The following OTOG variants were observed in gnomAD, a reference collection of about 807,000 sequenced individuals.
OTOG encodes otogelin.
In OTOG, 296 loss-of-function variants were observed where a neutral mutation model predicts 313.8. The observed-to-expected ratio is 0.94, with a 90% CI of 0.86 to 1.04. OTOG has a LOEUF of 1.04. Among genes scored for constraint, OTOG ranks in the 50% least tolerant of loss-of-function variants. The pLI is 0.00. For missense variants in OTOG, 3,948 were observed against 3,840.1 expected (o/e 1.03, Z -0.74); for synonymous variants, 1,533 against 1,554.9 (o/e 0.99, Z 0.33).
chr11:17,625,215 G>A (rs370860003), intron 39 of OTOG, among the ~76,000 whole-genome samples: 6 of 152,158 alleles, frequency 3.9e-5, no homozygotes, highest in African/African-American at 1.2e-4. Context: ...TGGTGAGAGC[G>A]GGCATCCTTG....
Position 17,606,642 on chromosome 11 carries a change from G to A in OTOG, c.4156+507G>A, listed in dbSNP as rs547918872. Among the ~76,000 whole-genome samples, 4 of 152,356 alleles carry A rather than the reference G, an allele frequency of 2.6e-5. No homozygotes were observed. In the East Asian group the frequency reaches 5.8e-4, roughly 22 times the overall value. The stretch of plus-strand genomic sequence containing the variant: ...GCCAAGGGGATCCAGGGCCTGCCCT[G>A]CCAGGTGTGTCTGTCCCCAAAATAT... On this transcript the variant is annotated intron_variant, in intron 33 of 55. Transcript: ENST00000399397.
At chr11:17,626,963 A>G (rs1199687213) in intron 39 of OTOG, among the ~76,000 whole-genome samples, 7 of 152,070 alleles carry the variant, frequency 4.6e-5, no homozygotes, top group Non-Finnish European at 2.9e-5. Context: ...TTCTATGTTG[A>G]TTTTGTAATC....
intron 24 of OTOG, among the ~76,000 whole-genome samples, chr11:17,591,036 CCT>C (rs1852919389): frequency 6.6e-6 from 1 of 152,176 alleles, no homozygotes; most frequent in Middle Eastern, 3.2e-3. Flanking sequence ...ATCTCTTCTC[CCT>C]CTAGAATAAA....
At position 17,593,257 on chromosome 11, in the gene OTOG, T is replaced by C; in HGVS notation, c.3071T>C (p.Ile1024Thr). The C allele has an allele frequency of 6.5e-7, 1 of 1,550,290 alleles. No individual in the cohort carries two copies. Among genetic ancestry groups the C allele is most frequent in the Non-Finnish European group, 8.7e-7 (1 of 1,146,696 alleles). The change falls in exon 26 of 56, where the codon ATC (isoleucine) becomes ACC (threonine). Residue 1024 changes from isoleucine to threonine, a missense_variant. Ile to Thr is a moderately conservative substitution (Grantham distance 89, BLOSUM62 -1). Coordinates refer to ENST00000399397, the MANE Select transcript of OTOG (RefSeq NM_001292063.2). Reference protein sequence around the residue: ...ENVNCYSSGMICRKFISINVG... With the variant: ...ENVNCYSSGMTCRKFISINVG... ...GTGAACTGCTACAGCTCTGGCATGA[T>C]CTGCAGGAAATTTATTTCCATCAAC...
intron 14 of OTOG, among the ~76,000 whole-genome samples, 185 bp from the exon 15 acceptor site, chr11:17,561,477 A>T (rs1852181370): frequency 6.6e-6 from 1 of 151,928 alleles, no homozygotes; most frequent in South Asian, 2.1e-4. Context: ...ACCTCTCTTC[A>T]AGGAGTTCTC....
intron 23 of OTOG, among the ~76,000 whole-genome samples, chr11:17,584,101 T>C (rs1852737314): frequency 6.6e-6 from 1 of 152,226 alleles, no homozygotes; most frequent in African/African-American, 2.4e-5. Flanking sequence ...AATTTTCCAT[T>C]TTTTAATTGC....
intron 54 of OTOG, among the ~76,000 whole-genome samples, chr11:17,644,553 C>T (rs75849837): frequency 0.017 from 2,513 of 152,230 alleles, 33 homozygotes; most frequent in Non-Finnish European, 0.025. Flanking sequence ...GTGGGAGAGA[C>T]AGAATAACAA....
chr11:17,552,287 C>T (rs1851953450), intron 4 of OTOG, among the ~76,000 whole-genome samples: 1 of 152,192 alleles, frequency 6.6e-6, no homozygotes, highest in Non-Finnish European at 1.5e-5. Context: ...GAGTCCTGTT[C>T]CTATGACCAT....
chr11:17,574,943 G>A (rs1450799304), intron 20 of OTOG, 31 bp downstream of exon 20: 9 of 1,466,982 alleles, frequency 6.1e-6, no homozygotes, highest in Non-Finnish European at 8.1e-6. Context: ...TCTGAGTTGG[G>A]TGGGAAGGTG....
intron 39 of OTOG, among the ~76,000 whole-genome samples, chr11:17,622,933 T>C (rs999431694): frequency 1.4e-4 from 21 of 152,220 alleles, no homozygotes; most frequent in Admixed American, 1.0e-3. Flanking sequence ...CTGTTCTCCA[T>C]AGTGGAGAAC....
intron 24 of OTOG, among the ~76,000 whole-genome samples, chr11:17,589,405 C>A (rs571707259): frequency 2.6e-5 from 4 of 152,250 alleles, no homozygotes; most frequent in African/African-American, 9.6e-5. Context: ...GAGAAGAGAA[C>A]TTTCCAGGCT....
At position 17,557,846 on chromosome 11, in the gene OTOG, C is replaced by T. The variant is rs1315248432; in HGVS notation, c.866-339C>T. Among the ~76,000 whole-genome samples the T allele has an allele frequency of 3.9e-5, 6 of 152,096 alleles. No homozygotes were observed. In the East Asian group the frequency reaches 7.7e-4, roughly 20 times the overall value. On this transcript the variant is annotated intron_variant, in intron 8 of 55. Coordinates refer to ENST00000399397, the MANE Select transcript of OTOG (RefSeq NM_001292063.2). ...ACAATCTCACTGGGAGATTATGTTCCCTATGGCAAATATGGGGAAACTGAG... is the reference window on the plus strand; with the variant it reads ...ACAATCTCACTGGGAGATTATGTTCTCTATGGCAAATATGGGGAAACTGAG...
At position 17,547,451 on chromosome 11, in the gene OTOG, C is replaced by T. The variant is rs979764828; in HGVS notation, c.79C>T (p.Arg27Trp). The T allele has an allele frequency of 4.6e-5, 63 of 1,375,470 alleles. No homozygotes were observed. The highest frequency in any genetic ancestry group is 2.6e-4 in the Admixed American group (8 of 30,432). The allele number at this position is 1,375,470 out of a possible 1,614,324, so 85.2% of individuals were successfully genotyped here. The change falls in exon 1 of 56, where the codon CGG becomes TGG. Residue 27 changes from arginine (R) to tryptophan (W), a missense_variant. Transcript: ENST00000399397. ...GGGTGAGCAGGCAGCCGAGTCCCTG[C>T]GGGTGCAGCGCCTCGGTGAGAGGGT... ...PWGEQAAESLRVQRLAAAPVL... is the reference protein window; with the variant it reads ...PWGEQAAESLWVQRLAAAPVL...
chr11:17,549,402 G>T (rs1033218031), intron 3 of OTOG, among the ~76,000 whole-genome samples: 7 of 152,228 alleles, frequency 4.6e-5, no homozygotes, highest in Admixed American at 4.6e-4. Flanking sequence ...AGGGGGGATG[G>T]TGTGGGCGTG....
chr11:17,641,703 A>G, intron 51 of OTOG, 144 bp from the exon 52 acceptor site: 1 of 606,378 alleles, frequency 1.6e-6, no homozygotes, highest in Non-Finnish European at 2.9e-6. Flanking sequence ...GCTGCCTGTG[A>G]CAGAAGGAGG....
intron 29 of OTOG, 43 bp downstream of exon 29, chr11:17,596,197 A>G (rs1373403886): frequency 4.4e-6 from 6 of 1,377,658 alleles, no homozygotes; most frequent in Non-Finnish European, 6.1e-6. Context: ...TGCCCCCTCC[A>G]CTGTCCTGGG....
At chr11:17,596,009 A>G in intron 28 of OTOG, 29 bp from the exon 29 acceptor site, 1 of 1,466,374 alleles carries the variant, frequency 6.8e-7, no homozygotes. Flanking sequence ...GCAAGTAGGG[A>G]GGTCAACAGC....
chr11:17,578,008 G>A lies in OTOG; in HGVS notation c.2606-365G>A, dbSNP rs184347119. ...CCCTCTGGGGCACTTCTCACTTTATGGTGACTTTGGGGAGGAGGAGAAGTG... is the reference window on the plus strand; with the variant it reads ...CCCTCTGGGGCACTTCTCACTTTATAGTGACTTTGGGGAGGAGGAGAAGTG... On this transcript the variant is annotated intron_variant, in intron 22 of 55. Transcript: ENST00000399397. Among the ~76,000 whole-genome samples the A allele has an allele frequency of 5.0e-4, 76 of 152,166 alleles. 1 individual carries two copies. The highest frequency in any genetic ancestry group is 1.6e-3 in the African/African-American group (66 of 41,520).
chr11:17,590,579 C>A (rs1590024114), intron 24 of OTOG, among the ~76,000 whole-genome samples: 1 of 152,362 alleles, frequency 6.6e-6, no homozygotes, highest in African/African-American at 2.4e-5. Context: ...GGTGCGGCAG[C>A]CAGAGTGGAA....
Sources: gnomAD v4.1 joint callset for allele counts (sites outside exome capture counted in the v4.1 genomes callset) on GRCh38, gnomAD v4.1.1 for gene constraint, MANE v1.5 for transcripts, NCBI Gene and HGNC (gene_info 2026-07-23, HGNC 2026-07-21) for gene names.